PRKD1: variants seen among roughly 807,000 people sequenced by gnomAD.
The protein encoded by PRKD1 is protein kinase D1, also known as serine/threonine-protein kinase D1.
PRKD1 carries 63 observed loss-of-function variants against 95.9 expected under a neutral mutation model. The observed-to-expected ratio is 0.66, with a 90% confidence interval of 0.54 to 0.81. PRKD1 has a LOEUF of 0.81. Among genes scored for constraint, PRKD1 ranks in the 30% least tolerant of loss-of-function variants. The probability of loss-of-function intolerance (pLI) is 0.00; values close to 1 mark genes in which losing one functional copy is unlikely to be tolerated. For synonymous variants in PRKD1, 425 were observed against 423.1 expected, an observed-to-expected ratio of 1.00 and a Z score of -0.05; for missense variants, 1,048 against 1,165.3, an observed-to-expected ratio of 0.90 and a Z score of 1.47.
intron 1 of PRKD1, among the ~76,000 whole-genome samples, chr14:29,749,611 T>A (rs1025546778): frequency 6.6e-6 from 1 of 152,214 alleles, no homozygotes; most frequent in Non-Finnish European, 1.5e-5. Flanking sequence ...TACTGATCCA[T>A]GCTGGGTGTT....
At chr14:29,915,317 C>T (rs1052859997) in intron 1 of PRKD1, among the ~76,000 whole-genome samples, 1 of 152,144 alleles carries the variant, frequency 6.6e-6, no homozygotes, top group Non-Finnish European at 1.5e-5. Flanking sequence ...GCTATCTCCA[C>T]AATTTTGTTA....
rs908004049 is a variant in PRKD1, at chr14:29,585,754, A to G, written c.2435-7394T>C. On this transcript the variant is annotated intron_variant, in intron 16 of 17. Coordinates refer to ENST00000331968, the MANE Select transcript of PRKD1 (RefSeq NM_002742.3). ...CAGAATGATGCTGAGAGTAACTGCC[A>G]TGCAGATTATGTTTATTTTACAATG... Among the ~76,000 whole-genome samples the G allele has an allele frequency of 2.6e-5, 4 of 152,196 alleles. 1 individual carries two copies. The highest frequency in any genetic ancestry group is 2.0e-4 in the Admixed American group (3 of 15,276).
At chr14:29,803,755 T>C (rs1890124803) in intron 1 of PRKD1, among the ~76,000 whole-genome samples, 1 of 152,174 alleles carries the variant, frequency 6.6e-6, no homozygotes, top group Non-Finnish European at 1.5e-5. Flanking sequence ...TTATATGCTG[T>C]TCTATAACTT....
chr14:29,749,026 A>G lies in PRKD1; in HGVS notation c.265-23352T>C, dbSNP rs45462901. On this transcript the variant is annotated intron_variant, in intron 1 of 17. Transcript: ENST00000331968. ...AGACTTGAAATAAAAAATGTTAACT[A>G]TAAGTATATGTAGGAGTGGGATTAT... 5.3e-3 allele frequency among the ~76,000 whole-genome samples: 802 copies of G among 150,776 alleles called. 11 individuals carry two copies. The highest frequency in any genetic ancestry group is 0.017 in the African/African-American group (692 of 41,476).
chr14:29,722,069 C>G (rs574890568), intron 2 of PRKD1, among the ~76,000 whole-genome samples: 2 of 151,918 alleles, frequency 1.3e-5, no homozygotes, highest in Non-Finnish European at 2.9e-5. Context: ...TAAAATTAAC[C>G]TTGAAATTTT....
At chr14:29,694,639 G>T (rs1884414791) in intron 2 of PRKD1, among the ~76,000 whole-genome samples, 1 of 152,174 alleles carries the variant, frequency 6.6e-6, no homozygotes, top group Admixed American at 6.5e-5. Flanking sequence ...CATGTAGTAT[G>T]TTAGGTAGTG....
chr14:29,835,634 G>A (rs971398743), intron 1 of PRKD1, among the ~76,000 whole-genome samples: 4 of 152,004 alleles, frequency 2.6e-5, no homozygotes, highest in South Asian at 2.1e-4. Flanking sequence ...GCAGTGGCGC[G>A]ATCTTGGCTC....
chr14:29,787,381 C>T (rs1156885912), intron 1 of PRKD1, among the ~76,000 whole-genome samples: 15 of 151,896 alleles, frequency 9.9e-5, no homozygotes, highest in Admixed American at 9.8e-4. Flanking sequence ...TCCAATGTTA[C>T]TTTGCTGATT....
intron 2 of PRKD1, among the ~76,000 whole-genome samples, chr14:29,703,163 A>G (rs1336788783): frequency 6.6e-6 from 1 of 152,154 alleles, no homozygotes; most frequent in Non-Finnish European, 1.5e-5. Context: ...CCTCAACTCA[A>G]GAAGCTTTCC....
chr14:29,778,742 G>T (rs1888893348), intron 1 of PRKD1, among the ~76,000 whole-genome samples: 1 of 152,066 alleles, frequency 6.6e-6, no homozygotes, highest in Non-Finnish European at 1.5e-5. Flanking sequence ...CTTCTGAAAT[G>T]ATTCCAATTG....
intron 1 of PRKD1, among the ~76,000 whole-genome samples, chr14:29,794,444 C>T (rs1273159748): frequency 6.6e-6 from 1 of 152,010 alleles, no homozygotes; most frequent in African/African-American, 2.4e-5. Context: ...CACATACACA[C>T]TCTTTGAAAT....
intron 1 of PRKD1, among the ~76,000 whole-genome samples, chr14:29,817,713 C>T (rs1262514807): frequency 1.3e-5 from 2 of 152,238 alleles, no homozygotes; most frequent in Admixed American, 1.3e-4. Flanking sequence ...TGAACCCAAG[C>T]AGCAAGACTC....
chr14:29,689,599 T>C (rs1033178471), intron 2 of PRKD1, among the ~76,000 whole-genome samples: 1 of 152,160 alleles, frequency 6.6e-6, no homozygotes, highest in Admixed American at 6.5e-5. Context: ...AAATACCCAT[T>C]TGAGCCAGCA....
intron 1 of PRKD1, among the ~76,000 whole-genome samples, chr14:29,776,448 A>C (rs1888759330): frequency 6.6e-6 from 1 of 152,168 alleles, no homozygotes. Flanking sequence ...AGAAGTCCTT[A>C]AATGACCTGA....
chr14:29,615,300 C>G (rs1418490271), intron 13 of PRKD1, among the ~76,000 whole-genome samples: 2 of 152,092 alleles, frequency 1.3e-5, no homozygotes, highest in Admixed American at 1.3e-4. Context: ...TTTCCATCCA[C>G]TAGAAAAATT....
intron 1 of PRKD1, among the ~76,000 whole-genome samples, chr14:29,793,198 T>C (rs1438516765): frequency 6.6e-6 from 1 of 152,010 alleles, no homozygotes; most frequent in Non-Finnish European, 1.5e-5. Flanking sequence ...GGTAGGTGTT[T>C]CTAAAGAATA....
intron 7 of PRKD1, 34 bp downstream of exon 7, chr14:29,636,256 C>A (rs1471802086): frequency 6.2e-7 from 1 of 1,612,288 alleles, no homozygotes; most frequent in South Asian, 1.1e-5. Context: ...CCTGGGGTTC[C>A]CCTGTTGGCT....
intron 1 of PRKD1, among the ~76,000 whole-genome samples, chr14:29,891,317 A>T (rs1018796052): frequency 2.6e-5 from 4 of 152,168 alleles, no homozygotes; most frequent in Admixed American, 1.3e-4. Context: ...TTGTTTTTTC[A>T]GAACCACCAT....
chr14:29,691,608 G>C (rs981839884), intron 2 of PRKD1, among the ~76,000 whole-genome samples: 1 of 152,094 alleles, frequency 6.6e-6, no homozygotes, highest in Non-Finnish European at 1.5e-5. Context: ...ACAATTATTA[G>C]GTTGGTGCAA....
Sources: allele counts gnomAD v4.1 joint callset (sites outside exome capture counted in the v4.1 genomes callset), GRCh38; gene constraint gnomAD v4.1.1; transcripts MANE v1.5; gene names NCBI Gene and HGNC (gene_info 2026-07-23, HGNC 2026-07-21).